The following NECAP2 variants were observed in gnomAD, a reference collection of about 807,000 sequenced individuals.
NECAP2 encodes NECAP endocytosis associated 2.
In NECAP2, 38 loss-of-function variants were observed where a neutral mutation model predicts 37.8. That is an observed-to-expected ratio of 1.01 (90% confidence interval 0.78 to 1.32). NECAP2 has a LOEUF of 1.32. Ranked by LOEUF, NECAP2 falls within the 40% of genes most tolerant of loss-of-function variation. The pLI is 0.00. For synonymous variants in NECAP2, 121 were observed against 127.7 expected, an observed-to-expected ratio of 0.95 and a Z score of 0.35; for missense variants, 316 against 334.5, an observed-to-expected ratio of 0.94 and a Z score of 0.43.
intron 6 of NECAP2, among the ~76,000 whole-genome samples, chr1:16,455,135 C>G (rs1049517792): frequency 2.6e-5 from 4 of 152,220 alleles, no homozygotes; most frequent in African/African-American, 9.6e-5. Context: ...TTAGAAATAG[C>G]AACTTAGTGC....
At chr1:16,449,313 A>T in intron 5 of NECAP2, 112 bp downstream of exon 5, 1 of 697,648 alleles carries the variant, frequency 1.4e-6, no homozygotes, top group Admixed American at 2.6e-5. Context: ...ATGTTTAGTG[A>T]GCATCTGCCT....
At chr1:16,446,513 GCACTGCA>G (rs2086765021) in intron 2 of NECAP2, among the ~76,000 whole-genome samples, 1 of 152,022 alleles carries the variant, frequency 6.6e-6, no homozygotes, top group Non-Finnish European at 1.5e-5. Flanking sequence ...GAGCTATGGT[GCACTGCA>G]CACTGCACTT....
intron 2 of NECAP2, 103 bp downstream of exon 2, chr1:16,443,835 G>T (rs1570254107): frequency 1.2e-6 from 1 of 849,350 alleles, no homozygotes; most frequent in African/African-American, 1.7e-5. Context: ...ATGGGAACCT[G>T]TCCTGAAAAA....
chr1:16,444,262 G>C (rs1308711888), intron 2 of NECAP2, among the ~76,000 whole-genome samples: 1 of 152,194 alleles, frequency 6.6e-6, no homozygotes, highest in African/African-American at 2.4e-5. Context: ...AACTTCACAA[G>C]TCCTGGGCCA....
At chr1:16,446,775 C>A (rs1278361162) in intron 2 of NECAP2, among the ~76,000 whole-genome samples, 1 of 152,054 alleles carries the variant, frequency 6.6e-6, no homozygotes, top group Non-Finnish European at 1.5e-5. Flanking sequence ...AATTCCTGGG[C>A]TGGGCTGGGT....
rs943052572 is a variant in NECAP2 at position 16,452,096 on chromosome 1, C to T, written c.667+81C>T. ...GGCAGCCAGGCCCCATGGTTTCCCCCCCGTTACACACATGGATTGGTCATG... is the reference window on the plus strand; with the variant it reads ...GGCAGCCAGGCCCCATGGTTTCCCCTCCGTTACACACATGGATTGGTCATG... On this transcript the variant is annotated intron_variant, in intron 6 of 7. Coordinates refer to ENST00000337132, the MANE Select transcript of NECAP2 (RefSeq NM_018090.5). The T allele has an allele frequency of 2.2e-6, 3 of 1,379,940 alleles. No homozygotes were observed. In the African/African-American group the frequency reaches 4.4e-5, roughly 20 times the overall value. 85.5% of individuals were successfully genotyped at this position (1,379,940 alleles called of 1,614,324 possible).
Position 16,451,760 on chromosome 1 carries a change from G to A in NECAP2, c.490-78G>A. The A allele has an allele frequency of 5.9e-6, 9 of 1,535,232 alleles. No homozygotes were observed. The South Asian group carries it at 1.0e-4, about 17-fold the overall frequency. On this transcript the variant is annotated intron_variant, in intron 5 of 7. Coordinates refer to ENST00000337132, the MANE Select transcript of NECAP2 (RefSeq NM_018090.5). ...GATGTTGGGGGTCTGGGGTCACCTT[G>A]GCCCTCCTTGTGGGGTTTTCTGGTA...
chr1:16,444,152 C>G (rs80283444), intron 2 of NECAP2, among the ~76,000 whole-genome samples: 1 of 152,096 alleles, frequency 6.6e-6, no homozygotes, highest in Non-Finnish European at 1.5e-5. Flanking sequence ...ACCCATTAAC[C>G]GAAGAAGCTG....
chr1:16,453,034 T>G (rs1340867709), intron 6 of NECAP2, among the ~76,000 whole-genome samples: 1 of 151,528 alleles, frequency 6.6e-6, no homozygotes, highest in Non-Finnish European at 1.5e-5. Flanking sequence ...TAAGTGCTAT[T>G]TCTCAGAGTG....
intron 6 of NECAP2, among the ~76,000 whole-genome samples, chr1:16,455,106 TCTC>T (rs1333598402): frequency 1.7e-4 from 26 of 152,290 alleles, no homozygotes; most frequent in African/African-American, 5.3e-4. Context: ...TTTTATCTGT[TCTC>T]CTGGCCCAGA....
chr1:16,451,918 TC>T lies in NECAP2; in HGVS notation c.575del (p.Pro192GlnfsTer8), dbSNP rs57163901. ...STGGLSLLPPPPGGKTSTLIP... is the reference protein window; with the variant it reads ...STGGLSLLPPXPGGKTSTLIP... ...CAGGAGGGCTGAGCCTGCTTCCCCC[TC>T]CCCCAGGGGGGAAAACCTCCACCCT... On this transcript the variant is annotated frameshift_variant, in exon 6 of 8. Transcript: ENST00000337132. LOFTEE classifies it high-confidence loss of function. 46 of 1,613,598 alleles carry T rather than the reference TC, an allele frequency of 2.9e-5. No homozygotes were observed. The highest frequency in any genetic ancestry group is 3.9e-5 in the Non-Finnish European group (46 of 1,179,806).
At chr1:16,455,969 C>T in intron 7 of NECAP2, 76 bp downstream of exon 7, 1 of 1,055,750 alleles carries the variant, frequency 9.5e-7, no homozygotes, top group Admixed American at 1.8e-5. Flanking sequence ...TTCCACATGC[C>T]TGCCTTCTGG....
chr1:16,448,456 T>C (rs2086794759), intron 4 of NECAP2: 1 of 386,180 alleles, frequency 2.6e-6, no homozygotes, highest in East Asian at 5.3e-5. Context: ...ATGTAATCAA[T>C]GGCGCTTGGA....
intron 2 of NECAP2, among the ~76,000 whole-genome samples, chr1:16,444,152 C>T (rs80283444): frequency 0.026 from 3,995 of 152,190 alleles, 175 homozygotes; most frequent in African/African-American, 0.092. Flanking sequence ...ACCCATTAAC[C>T]GAAGAAGCTG....
intron 5 of NECAP2, chr1:16,450,292 T>C: frequency 2.7e-6 from 1 of 376,772 alleles, no homozygotes; most frequent in African/African-American, 2.1e-5. Flanking sequence ...TTTGTTGTTT[T>C]TTTTTTTTAG....
intron 1 of NECAP2, chr1:16,441,312 C>G (rs2100938685): frequency 6.1e-6 from 1 of 164,548 alleles, no homozygotes; most frequent in South Asian, 1.4e-4. Flanking sequence ...ACGGTCGAAG[C>G]CCAGGGACCC....
chr1:16,447,769 G>A, intron 2 of NECAP2, 101 bp from the exon 3 acceptor site: 1 of 881,474 alleles, frequency 1.1e-6, no homozygotes, highest in Non-Finnish European at 1.9e-6. Context: ...TGTCTCAGCT[G>A]GTTAGAGATG....
At chr1:16,454,358 CTACT>C (rs1426764278) in intron 6 of NECAP2, among the ~76,000 whole-genome samples, 1 of 149,292 alleles carries the variant, frequency 6.7e-6, no homozygotes, top group African/African-American at 2.5e-5. Flanking sequence ...CGCACCTCGC[CTACT>C]TATTTATTTT....
intron 1 of NECAP2, among the ~76,000 whole-genome samples, chr1:16,441,871 G>T (rs1255674101): frequency 6.6e-6 from 1 of 152,022 alleles, no homozygotes; most frequent in African/African-American, 2.4e-5. Context: ...TTTTAAAATA[G>T]TATAAAAACA....
Sources: allele counts gnomAD v4.1 joint callset (sites outside exome capture counted in the v4.1 genomes callset), GRCh38; gene constraint gnomAD v4.1.1; transcripts MANE v1.5; gene names NCBI Gene and HGNC (gene_info 2026-07-23, HGNC 2026-07-21).